The following BMPR1B variants were observed in gnomAD, a reference collection of about 807,000 sequenced individuals.
BMPR1B encodes the protein bone morphogenetic protein receptor type 1B.
Under a neutral mutation model 59.1 loss-of-function variants are expected in BMPR1B, and 12 were observed. That is an observed-to-expected ratio of 0.20 (90% CI 0.13 to 0.33). The LOEUF is 0.33. Among genes scored for constraint, BMPR1B ranks in the 10% least tolerant of loss-of-function variants. The pLI, the probability that BMPR1B is intolerant of heterozygous loss-of-function variation, is 1.00. For synonymous variants in BMPR1B, 237 were observed against 207.3 expected (o/e 1.14, Z -1.23); for missense variants, 550 against 610.9 (o/e 0.90, Z 1.05).
intron 3 of BMPR1B, among the ~76,000 whole-genome samples, chr4:95,062,515 A>T (rs1485034047): frequency 1.3e-5 from 2 of 152,176 alleles, no homozygotes; most frequent in Non-Finnish European, 2.9e-5. Context: ...TGCACCCCAG[A>T]TTGAAGAATG....
chr4:94,853,488 A>G (rs1725639260), intron 1 of BMPR1B, among the ~76,000 whole-genome samples: 1 of 152,182 alleles, frequency 6.6e-6, no homozygotes, highest in Non-Finnish European at 1.5e-5. Context: ...TGAGGATAAT[A>G]TGTATGGAGG....
At chr4:94,902,082 TGTGTGG>T (rs202034100) in intron 2 of BMPR1B, among the ~76,000 whole-genome samples, 2,558 of 134,052 alleles carry the variant, frequency 0.019, 47 homozygotes, top group East Asian at 0.095. Context: ...TGTGTGTGTG[TGTGTGG>T]GGTGTATTTA....
At chr4:94,902,019 T>G (rs1164462992) in intron 2 of BMPR1B, among the ~76,000 whole-genome samples, 1 of 148,818 alleles carries the variant, frequency 6.7e-6, no homozygotes, top group Non-Finnish European at 1.5e-5. Flanking sequence ...AACAATAGAC[T>G]GGTTAAGAGG....
chr4:95,060,751 CAG>C (rs766327398), intron 3 of BMPR1B, among the ~76,000 whole-genome samples: 20 of 152,268 alleles, frequency 1.3e-4, no homozygotes, highest in Middle Eastern at 3.4e-3. Context: ...TTATATTAAA[CAG>C]ATTATTCCTA....
At chr4:94,903,766 G>A (rs566872799) in intron 2 of BMPR1B, among the ~76,000 whole-genome samples, 2 of 152,060 alleles carry the variant, frequency 1.3e-5, no homozygotes, top group South Asian at 2.1e-4. Flanking sequence ...TAAGAAGAAG[G>A]TGTTAGGACA....
chr4:94,773,369 T>A (rs553135622), intron 1 of BMPR1B, among the ~76,000 whole-genome samples: 4 of 152,230 alleles, frequency 2.6e-5, no homozygotes, highest in African/African-American at 9.6e-5. Flanking sequence ...CAAAAGAGAA[T>A]GTTTGTGACT....
chr4:94,801,880 C>T (rs1723421705), intron 1 of BMPR1B, among the ~76,000 whole-genome samples: 1 of 152,140 alleles, frequency 6.6e-6, no homozygotes, highest in Admixed American at 6.5e-5. Context: ...AGAGAGTTAA[C>T]AGTTAATTAA....
intron 2 of BMPR1B, among the ~76,000 whole-genome samples, chr4:94,898,475 G>A (rs751332084): frequency 4.8e-4 from 73 of 151,958 alleles, no homozygotes; most frequent in Non-Finnish European, 7.8e-4. Flanking sequence ...GGGATAGCGA[G>A]AGACTTCTCA....
chr4:94,799,257 T>C (rs541998156), intron 1 of BMPR1B, among the ~76,000 whole-genome samples: 1 of 151,018 alleles, frequency 6.6e-6, no homozygotes, highest in Admixed American at 6.6e-5. Flanking sequence ...AGAGACTTCA[T>C]TGGATAGTAG....
intron 1 of BMPR1B, among the ~76,000 whole-genome samples, chr4:94,781,939 G>C (rs990949543): frequency 1.4e-4 from 22 of 151,870 alleles, no homozygotes; most frequent in Admixed American, 9.2e-4. Flanking sequence ...TTTTTGTCTT[G>C]TAGTATTTTT....
chr4:95,151,630 A>T (rs1270534907), intron 11 of BMPR1B, among the ~76,000 whole-genome samples: 1 of 152,222 alleles, frequency 6.6e-6, no homozygotes, highest in Admixed American at 6.5e-5. Flanking sequence ...TGATGATTTT[A>T]TAACAGATTT....
chr4:95,004,074 G>A (rs747675313), intron 3 of BMPR1B, among the ~76,000 whole-genome samples: 1 of 152,014 alleles, frequency 6.6e-6, no homozygotes, highest in Non-Finnish European at 1.5e-5. Flanking sequence ...TGATTTAAGA[G>A]GGTAGTTTAA....
chr4:95,026,110 C>CTTTCTTTCTTTCTTTCTTTT (rs1560602894), intron 3 of BMPR1B, among the ~76,000 whole-genome samples: 26 of 139,394 alleles, frequency 1.9e-4, no homozygotes, highest in South Asian at 7.2e-4. Context: ...TTCTTTCTTT[C>CTTTCTTTCTTTCTTTCTTTT]TTTCTTTCTT....
At chr4:94,771,920 G>GT (rs1177187445) in intron 1 of BMPR1B, among the ~76,000 whole-genome samples, 2 of 152,190 alleles carry the variant, frequency 1.3e-5, no homozygotes, top group Non-Finnish European at 2.9e-5. Flanking sequence ...AGGAAGCACT[G>GT]TGACATACAC....
chr4:95,124,842 TAA>T, intron 7 of BMPR1B, 139 bp from the exon 8 acceptor site: 1 of 778,480 alleles, frequency 1.3e-6, no homozygotes, highest in Non-Finnish European at 2.1e-6. Context: ...AAACCATAAC[TAA>T]GAGTAAAAAA....
intron 2 of BMPR1B, among the ~76,000 whole-genome samples, chr4:94,958,038 T>G (rs570033662): frequency 6.6e-6 from 1 of 152,290 alleles, no homozygotes; most frequent in African/African-American, 2.4e-5. Context: ...TCTCAGTCCA[T>G]CCATCGTTTA....
At chr4:95,028,668 C>T (rs1270609045) in intron 3 of BMPR1B, among the ~76,000 whole-genome samples, 3 of 152,108 alleles carry the variant, frequency 2.0e-5, no homozygotes, top group Non-Finnish European at 4.4e-5. Context: ...TAAGGAAACA[C>T]TTAATAACTA....
chr4:94,791,547 T>C (rs1722989046), intron 1 of BMPR1B, among the ~76,000 whole-genome samples: 1 of 152,238 alleles, frequency 6.6e-6, no homozygotes, highest in South Asian at 2.1e-4. Context: ...GCAAAGATAC[T>C]TATCTAAATT....
chr4:95,077,119 A>G (rs1728770998), intron 3 of BMPR1B, among the ~76,000 whole-genome samples: 1 of 152,170 alleles, frequency 6.6e-6, no homozygotes, highest in Non-Finnish European at 1.5e-5. Context: ...GGTAGGAGAA[A>G]GGAAAGACTC....
Sources: gnomAD v4.1 joint callset for allele counts (sites outside exome capture counted in the v4.1 genomes callset) on GRCh38, gnomAD v4.1.1 for gene constraint, MANE v1.5 for transcripts, NCBI Gene and HGNC (gene_info 2026-07-23, HGNC 2026-07-21) for gene names.